The following ARMC2 variants were observed in gnomAD, a reference collection of about 807,000 sequenced individuals.
ARMC2 encodes armadillo repeat-containing protein 2.
ARMC2 carries 67 observed loss-of-function variants against 90.3 expected under a neutral mutation model. That is an observed-to-expected ratio of 0.74 (90% CI 0.61 to 0.91). The LOEUF is 0.91. Among genes scored for constraint, ARMC2 ranks in the 40% least tolerant of loss-of-function variants. The pLI is 0.00. For synonymous variants in ARMC2, 393 were observed against 393.0 expected (o/e 1.00, Z 0.00); for missense variants, 920 against 1,030.9 (o/e 0.89, Z 1.47).
chr6:109,031,934 C>T, the ARMC2 span, among the ~76,000 whole-genome samples: 1 of 152,070 alleles, frequency 6.6e-6, no homozygotes. Context: ...ACATGAAATT[C>T]ACTTGTTTCA....
At chr6:109,023,920 C>A in the ARMC2 span, among the ~76,000 whole-genome samples, 1 of 152,086 alleles carries the variant, frequency 6.6e-6, no homozygotes, top group Admixed American at 6.5e-5. Flanking sequence ...AAATATGTTA[C>A]TGCCTACTCA....
At chr6:108,955,663 C>T (rs1162277929) in intron 13 of ARMC2, among the ~76,000 whole-genome samples, 2 of 152,206 alleles carry the variant, frequency 1.3e-5, no homozygotes, top group Non-Finnish European at 2.9e-5. Context: ...ACTCAAAAAT[C>T]TCTGTGTTTA....
At chr6:108,939,941 G>T (rs1315586592) in intron 12 of ARMC2, among the ~76,000 whole-genome samples, 1 of 152,196 alleles carries the variant, frequency 6.6e-6, no homozygotes, top group African/African-American at 2.4e-5. Context: ...AATTATTGCT[G>T]TAGAGACTGT....
intron 13 of ARMC2, 91 bp downstream of exon 13, chr6:108,953,442 T>TAAA: frequency 7.6e-7 from 1 of 1,316,200 alleles, no homozygotes; most frequent in East Asian, 2.5e-5. Flanking sequence ...ATGAGGATTT[T>TAAA]ATTATCACAA....
At chr6:108,976,902 G>T (rs1030699788), downstream of ARMC2, among the ~76,000 whole-genome samples, 2 of 152,156 alleles carry the variant, frequency 1.3e-5, no homozygotes, top group African/African-American at 4.8e-5. Flanking sequence ...AAGATTTTGG[G>T]CTGAGACGAT....
At chr6:108,892,716 G>A (rs567621185) in intron 5 of ARMC2, among the ~76,000 whole-genome samples, 44 of 146,756 alleles carry the variant, frequency 3.0e-4, no homozygotes, top group African/African-American at 1.1e-3. Context: ...CCGAGATCAC[G>A]CCATTGCACT....
chr6:108,857,822 T>C (rs1168173232), intron 2 of ARMC2, among the ~76,000 whole-genome samples: 5 of 152,192 alleles, frequency 3.3e-5, no homozygotes, highest in Non-Finnish European at 5.9e-5. Flanking sequence ...TTCAAGGTAG[T>C]TGTCTTTTTA....
chr6:108,973,399 A>G lies in ARMC2; in HGVS notation c.2489A>G (p.Lys830Arg), dbSNP rs1778892836. 3 of 1,613,722 alleles carry G rather than the reference A, an allele frequency of 1.9e-6. No homozygotes were observed. Among genetic ancestry groups the G allele is most frequent in the Admixed American group, 1.7e-5 (1 of 60,006 alleles). The stretch of plus-strand genomic sequence containing the variant: ...GATGGCAGTTTTGATCCAGACCTAA[A>G]AAACTATCACAAACTCCATTGGGAA... Reference protein sequence around the residue: ...ALDGSFDPDLKNYHKLHWETE... With the variant: ...ALDGSFDPDLRNYHKLHWETE... The change falls in exon 18 of 18, where the codon AAA (lysine) becomes AGA (arginine). Residue 830 changes from lysine to arginine, a missense_variant. Coordinates refer to ENST00000392644, the MANE Select transcript of ARMC2 (RefSeq NM_032131.6).
intron 6 of ARMC2, 104 bp from the exon 7 acceptor site, chr6:108,899,590 C>A: frequency 2.4e-6 from 2 of 817,278 alleles, no homozygotes; most frequent in Non-Finnish European, 4.0e-6. Flanking sequence ...TAATTTAATT[C>A]TCTAGTTTAT....
At chr6:108,855,222 G>A (rs188898134) in intron 2 of ARMC2, among the ~76,000 whole-genome samples, 1 of 151,658 alleles carries the variant, frequency 6.6e-6, no homozygotes, top group East Asian at 1.9e-4. Flanking sequence ...TTTCTGTGTG[G>A]ACATAAGTTT....
chr6:109,015,928 T>G, the ARMC2 span, among the ~76,000 whole-genome samples: 1 of 152,226 alleles, frequency 6.6e-6, no homozygotes, highest in Non-Finnish European at 1.5e-5. Context: ...CTTCTATTTG[T>G]GCACAGGCCA....
chr6:108,912,082 CATTA>C (rs1387687757), intron 9 of ARMC2, among the ~76,000 whole-genome samples: 2 of 152,104 alleles, frequency 1.3e-5, no homozygotes, highest in Non-Finnish European at 2.9e-5. Context: ...CAAGGAATGA[CATTA>C]ATTAAAAGAA....
At chr6:108,885,040 G>A (rs527333495) in intron 5 of ARMC2, among the ~76,000 whole-genome samples, 2 of 152,182 alleles carry the variant, frequency 1.3e-5, no homozygotes, top group African/African-American at 4.8e-5. Flanking sequence ...TTCACATGCA[G>A]TACCTTGAAA....
chr6:108,983,292 A>G, the ARMC2 span, among the ~76,000 whole-genome samples: 2 of 152,118 alleles, frequency 1.3e-5, no homozygotes, highest in Admixed American at 1.3e-4. Context: ...TGTAATTCCA[A>G]TGGTCTTTTT....
intron 1 of ARMC2, among the ~76,000 whole-genome samples, chr6:108,849,307 G>A (rs188094091): frequency 5.8e-4 from 88 of 152,220 alleles, no homozygotes; most frequent in Non-Finnish European, 9.9e-4. Context: ...TAATCTATGG[G>A]ATTCTGGTTG....
chr6:109,035,321 T>C, the ARMC2 span, among the ~76,000 whole-genome samples: 1 of 152,152 alleles, frequency 6.6e-6, no homozygotes, highest in Non-Finnish European at 1.5e-5. Context: ...GAGAGCTAAG[T>C]CAGGTATTTT....
chr6:108,998,457 A>G, the ARMC2 span: 5 of 1,595,318 alleles, frequency 3.1e-6, no homozygotes, highest in African/African-American at 4.0e-5. Flanking sequence ...AAGAAATAAT[A>G]TAACAGCAAT....
chr6:109,009,208 CG>C, the ARMC2 span: 1 of 826,198 alleles, frequency 1.2e-6, no homozygotes, highest in Non-Finnish European at 1.6e-6. Flanking sequence ...CGCTGCTCCC[CG>C]GGAGCCCGCC....
At chr6:108,953,531 A>G (rs1265896309) in intron 13 of ARMC2, among the ~76,000 whole-genome samples, 180 bp downstream of exon 13, 2 of 152,256 alleles carry the variant, frequency 1.3e-5, no homozygotes, top group Non-Finnish European at 2.9e-5. Context: ...AGTAATCCAG[A>G]TTATTAGAAA....
Sources: allele counts gnomAD v4.1 joint callset (sites outside exome capture counted in the v4.1 genomes callset), GRCh38; gene constraint gnomAD v4.1.1; transcripts MANE v1.5; gene names NCBI Gene and HGNC (gene_info 2026-07-23, HGNC 2026-07-21).